MAP1LC3B2: variants seen among roughly 807,000 people sequenced by gnomAD.
MAP1LC3B2 encodes the protein microtubule-associated protein 1 light chain 3 beta 2.
For missense variants in MAP1LC3B2, 155 were observed against 154.6 expected (o/e 1.00, Z -0.01); for synonymous variants, 62 against 57.8 (o/e 1.07, Z -0.33).
At chr12:116,562,869 C>G (rs1017231455) in intron 1 of MAP1LC3B2, among the ~76,000 whole-genome samples, 1 of 152,192 alleles carries the variant, frequency 6.6e-6, no homozygotes, top group African/African-American at 2.4e-5. Context: ...TATATCTACT[C>G]ACTTATTTAT....
intron 1 of MAP1LC3B2, among the ~76,000 whole-genome samples, chr12:116,569,234 C>T (rs1869467307): frequency 6.6e-6 from 1 of 152,074 alleles, no homozygotes; most frequent in African/African-American, 2.4e-5. Flanking sequence ...AGTAGCAGAA[C>T]ACAGACTAAG....
rs116135364 is a variant in MAP1LC3B2 at position 116,563,564 on chromosome 12, A to G, written c.-102+4131A>G. On this transcript the variant is annotated intron_variant, in intron 1 of 1. Transcript: ENST00000556529. The stretch of plus-strand genomic sequence containing the variant: ...TGGTCTTTATTGCTGGTTTTAAACA[A>G]TTTGATTAAGATGTGCCTTGATGTT... Among the ~76,000 whole-genome samples, 819 of 152,266 alleles carry G rather than the reference A, an allele frequency of 5.4e-3. 4 individuals carry two copies. The highest frequency in any genetic ancestry group is 0.018 in the African/African-American group (759 of 41,544).
intron 1 of MAP1LC3B2, among the ~76,000 whole-genome samples, chr12:116,567,799 C>T (rs1869430597): frequency 2.0e-5 from 3 of 151,742 alleles, no homozygotes; most frequent in African/African-American, 2.4e-5. Flanking sequence ...CTAAGGGTTT[C>T]GGTTGCCAGG....
chr12:116,573,774 C>T (rs1016763295), intron 1 of MAP1LC3B2, among the ~76,000 whole-genome samples: 2 of 152,182 alleles, frequency 1.3e-5, no homozygotes, highest in Admixed American at 1.3e-4. Flanking sequence ...GCCTTGGCTG[C>T]CCAAAGTTCT....
At position 116,571,992 on chromosome 12, in the gene MAP1LC3B2, T is replaced by G. The variant is rs572534420; in HGVS notation, c.-101-3850T>G. 1.7e-4 allele frequency among the ~76,000 whole-genome samples: 26 copies of G among 149,762 alleles called. No homozygotes were observed. In the East Asian group the frequency reaches 4.9e-3, roughly 28 times the overall value. On this transcript the variant is annotated intron_variant, in intron 1 of 1. Transcript: ENST00000556529. ...AAAAAAAAAAGGGTTAGGGAGAAAC[T>G]TGTCCTCTTACATTGCAAATAAAGG...
chr12:116,563,064 C>T (rs994443949), intron 1 of MAP1LC3B2, among the ~76,000 whole-genome samples: 33 of 152,228 alleles, frequency 2.2e-4, no homozygotes, highest in African/African-American at 7.2e-4. Flanking sequence ...TAGGTTCAAG[C>T]GATTCTTCTG....
At chr12:116,562,991 C>T (rs925165937) in intron 1 of MAP1LC3B2, among the ~76,000 whole-genome samples, 2 of 152,086 alleles carry the variant, frequency 1.3e-5, no homozygotes, top group East Asian at 1.9e-4. Context: ...GATGGAGTTT[C>T]GCTCTTGTTG....
chr12:116,564,164 T>G (rs554403565), intron 1 of MAP1LC3B2, among the ~76,000 whole-genome samples: 2 of 152,362 alleles, frequency 1.3e-5, no homozygotes, highest in African/African-American at 4.8e-5. Context: ...TTATAATAAC[T>G]TTTAAAATCT....
chr12:116,572,216 C>T (rs1474740590), intron 1 of MAP1LC3B2, among the ~76,000 whole-genome samples: 1 of 152,154 alleles, frequency 6.6e-6, no homozygotes, highest in Non-Finnish European at 1.5e-5. Flanking sequence ...AGAAGCAGCA[C>T]GGGCATCGTC....
intron 1 of MAP1LC3B2, among the ~76,000 whole-genome samples, chr12:116,561,335 G>A (rs1869266432): frequency 1.3e-5 from 2 of 152,054 alleles, no homozygotes; most frequent in South Asian, 4.1e-4. Context: ...CAGAGAGGAA[G>A]TCCCAGAGGA....
At chr12:116,560,150 C>G (rs1869214379) in intron 1 of MAP1LC3B2, 1 of 143,628 alleles carries the variant, frequency 7.0e-6, no homozygotes, top group Non-Finnish European at 1.5e-5. Context: ...TCTCCACTCC[C>G]AGGCCCAGCA....
chr12:116,565,891 G>C (rs1387520998), intron 1 of MAP1LC3B2, among the ~76,000 whole-genome samples: 1 of 152,202 alleles, frequency 6.6e-6, no homozygotes. Context: ...CAATATTTAC[G>C]AAAGCACAAA....
chr12:116,572,369 CTTT>C (rs34609295), intron 1 of MAP1LC3B2, among the ~76,000 whole-genome samples: 1 of 146,746 alleles, frequency 6.8e-6, no homozygotes. Context: ...TGCCTCAGTT[CTTT>C]TTTTTTTTTT....
At chr12:116,572,374 T>A (rs1333337199) in intron 1 of MAP1LC3B2, among the ~76,000 whole-genome samples, 1 of 152,016 alleles carries the variant, frequency 6.6e-6, no homozygotes, top group East Asian at 1.9e-4. Context: ...CAGTTCTTTT[T>A]TTTTTTTTGA....
At chr12:116,566,268 G>A (rs1271685054) in intron 1 of MAP1LC3B2, among the ~76,000 whole-genome samples, 1 of 152,204 alleles carries the variant, frequency 6.6e-6, no homozygotes, top group Non-Finnish European at 1.5e-5. Context: ...TAACTACCAG[G>A]AGTTGGAAGC....
At chr12:116,563,972 TG>T (rs1361134482) in intron 1 of MAP1LC3B2, among the ~76,000 whole-genome samples, 1 of 152,124 alleles carries the variant, frequency 6.6e-6, no homozygotes, top group Non-Finnish European at 1.5e-5. Context: ...CCCAAACTCC[TG>T]GGTTCAAGCA....
intron 1 of MAP1LC3B2, among the ~76,000 whole-genome samples, chr12:116,563,557 T>G (rs1375109672): frequency 6.6e-6 from 1 of 152,238 alleles, no homozygotes; most frequent in East Asian, 1.9e-4. Flanking sequence ...ATTGCTGGTT[T>G]TAAACAATTT....
intron 1 of MAP1LC3B2, among the ~76,000 whole-genome samples, chr12:116,567,155 G>C (rs1225683498): frequency 6.6e-6 from 1 of 151,758 alleles, no homozygotes; most frequent in Non-Finnish European, 1.5e-5. Flanking sequence ...GAGATTTAGA[G>C]TGCTGAGAGA....
chr12:116,560,749 A>G (rs1267768974), intron 1 of MAP1LC3B2, among the ~76,000 whole-genome samples: 1 of 152,064 alleles, frequency 6.6e-6, no homozygotes, highest in Non-Finnish European at 1.5e-5. Context: ...AAATCCAATG[A>G]CAGGTATCCT....
Sources: allele counts gnomAD v4.1 joint callset (sites outside exome capture counted in the v4.1 genomes callset), GRCh38; gene constraint gnomAD v4.1.1; transcripts MANE v1.5; gene names NCBI Gene and HGNC (gene_info 2026-07-23, HGNC 2026-07-21).